Variants in ART3 observed in about 807,000 individuals in gnomAD.
The protein encoded by ART3 is ecto-ADP-ribosyltransferase 3.
A neutral mutation model predicts 48.5 loss-of-function variants in ART3; 49 were observed. That is an observed-to-expected ratio of 1.01 (90% CI 0.80 to 1.28). ART3 has a LOEUF of 1.28. Among genes scored for constraint, ART3 ranks in the 50% most tolerant of loss-of-function variants. The pLI is 0.00. For missense variants in ART3, 438 were observed against 454.3 expected (o/e 0.96, Z 0.33); for synonymous variants, 145 against 157.2 (o/e 0.92, Z 0.58).
chr4:76,086,069 C>T (rs770072664), intron 3 of ART3, among the ~76,000 whole-genome samples: 23 of 149,666 alleles, frequency 1.5e-4, no homozygotes, highest in South Asian at 8.7e-4. Context: ...TCCCCCCCCC[C>T]GCTCCCTCCC....
At chr4:76,108,877 C>A (rs925577122) in intron 11 of ART3, among the ~76,000 whole-genome samples, 2 of 152,046 alleles carry the variant, frequency 1.3e-5, no homozygotes, top group African/African-American at 4.8e-5. Flanking sequence ...ATTTGTGTAT[C>A]TAAACATAGA....
chr4:76,104,626 C>G lies in ART3; in HGVS notation c.1000C>G (p.Pro334Ala), dbSNP rs143599971. The change falls in exon 10 of 12, where the codon CCT (proline) becomes GCT (alanine). Residue 334 changes from proline to alanine, a missense_variant. Physicochemically the swap from Pro to Ala is conservative, Grantham distance 27 (BLOSUM62 -1). This residue lies in a region of ART3 where 227 missense variants were observed against 229.6 expected (regional missense o/e 0.99). Transcript: ENST00000355810. ...GMKIPEPFPL[P>A]EDKSQGNINN... is the part of the protein sequence containing the mutation. ...GAAAATTCCAGAACCTTTTCCACTA[C>G]CTGGTAAGCAACTGATAGGCATGCC... 6.4e-7 allele frequency: 1 copy of G among 1,551,566 alleles called. No homozygotes were observed. The highest frequency in any genetic ancestry group is 2.4e-5 in the East Asian group (1 of 40,908).
chr4:76,038,053 C>T (rs1160306511), intron 1 of ART3, among the ~76,000 whole-genome samples: 3 of 139,194 alleles, frequency 2.2e-5, no homozygotes, highest in East Asian at 2.3e-4. Context: ...ATGAGAAATT[C>T]TAGAAATAAT....
At chr4:76,100,197 C>A in intron 5 of ART3, 94 bp from the exon 6 acceptor site, 1 of 1,285,038 alleles carries the variant, frequency 7.8e-7, no homozygotes, top group Non-Finnish European at 1.1e-6. Flanking sequence ...TCTTTATAGT[C>A]ATATTTCCTG....
chr4:76,109,518 A>G (rs1729079637), intron 11 of ART3, among the ~76,000 whole-genome samples: 1 of 151,828 alleles, frequency 6.6e-6, no homozygotes, highest in South Asian at 2.1e-4. Context: ...AATGATTAAA[A>G]GTATAGTAAG....
At chr4:76,044,500 C>T (rs1470114700) in intron 1 of ART3, among the ~76,000 whole-genome samples, 1 of 151,990 alleles carries the variant, frequency 6.6e-6, no homozygotes, top group Non-Finnish European at 1.5e-5. Flanking sequence ...GTAGAATATG[C>T]CTTGGCTAGG....
At chr4:76,075,783 C>G (rs1720904195) in intron 1 of ART3, 98 bp from the exon 2 acceptor site, 12 of 883,368 alleles carry the variant, frequency 1.4e-5, no homozygotes, top group Non-Finnish European at 1.9e-5. Flanking sequence ...GCTATCCACT[C>G]ACATTCTAAA....
At chr4:76,059,359 C>CTTA (rs1578364058) in intron 1 of ART3, among the ~76,000 whole-genome samples, 2 of 92,126 alleles carry the variant, frequency 2.2e-5, no homozygotes, top group African/African-American at 8.6e-5. Flanking sequence ...GTTATTTTCT[C>CTTA]TTGTTTTTTT....
intron 1 of ART3, chr4:76,035,248 G>A: frequency 6.2e-7 from 1 of 1,614,024 alleles, no homozygotes; most frequent in Non-Finnish European, 8.5e-7. Flanking sequence ...TGTTACTTGG[G>A]TACATTATGG....
Position 76,068,280 on chromosome 4 carries a change from T to C in ART3, c.-9-7601T>C, listed in dbSNP as rs557838936. Among the ~76,000 whole-genome samples the C allele has an allele frequency of 7.2e-5, 11 of 152,340 alleles. No homozygotes were observed. The South Asian group carries it at 2.3e-3, about 32-fold the overall frequency. On this transcript the variant is annotated intron_variant, in intron 1 of 9. Transcript: ENST00000341029. ...TACAATCATGATATAAAACATTTCA[T>C]CACCCAAAAAATGTGTTCCCTCATG... is the stretch of plus-strand genomic sequence containing the variant.
At chr4:76,050,206 C>T (rs1422192597) in intron 1 of ART3, among the ~76,000 whole-genome samples, 2 of 152,036 alleles carry the variant, frequency 1.3e-5, no homozygotes, top group African/African-American at 4.8e-5. Context: ...AGCGGGTTGC[C>T]ACTGCTGGCT....
At chr4:76,103,870 C>T (rs1245279676) in intron 8 of ART3, 67 bp from the exon 9 acceptor site, 2 of 1,282,006 alleles carry the variant, frequency 1.6e-6, no homozygotes, top group African/African-American at 1.5e-5. Context: ...GAAATATAGA[C>T]AAAAGAAGAG....
chr4:76,030,778 A>G (rs976811449), intron 1 of ART3, among the ~76,000 whole-genome samples: 2 of 152,152 alleles, frequency 1.3e-5, no homozygotes, highest in African/African-American at 4.8e-5. Context: ...CATATTTTCA[A>G]GGTTCATCCA....
At chr4:76,022,821 T>G (rs780075270) in intron 1 of ART3, 6 of 1,606,402 alleles carry the variant, frequency 3.7e-6, no homozygotes, top group Non-Finnish European at 5.1e-6. Context: ...GGTACTCCTG[T>G]AGGAAAAGAG....
At chr4:76,026,679 G>C (rs1056192424) in intron 1 of ART3, among the ~76,000 whole-genome samples, 6 of 134,010 alleles carry the variant, frequency 4.5e-5, no homozygotes, top group Non-Finnish European at 1.6e-5. Flanking sequence ...ACCCCTAAAA[G>C]CTTCTTAGTT....
At chr4:76,017,656 C>A (rs760386216) in intron 1 of ART3, among the ~76,000 whole-genome samples, 1 of 152,184 alleles carries the variant, frequency 6.6e-6, no homozygotes, top group African/African-American at 2.4e-5. Flanking sequence ...AGCACTAGGA[C>A]TGCCTAGGAC....
At chr4:76,100,586 G>A (rs1259359724) in intron 6 of ART3, among the ~76,000 whole-genome samples, 1 of 146,332 alleles carries the variant, frequency 6.8e-6, no homozygotes, top group Non-Finnish European at 1.5e-5. Context: ...AGCTGAGATC[G>A]TGCCACAGCA....
intron 1 of ART3, among the ~76,000 whole-genome samples, chr4:76,020,509 A>G (rs150323977): frequency 2.0e-3 from 309 of 152,310 alleles, no homozygotes; most frequent in Non-Finnish European, 3.8e-3. Flanking sequence ...ATGTGGGAGG[A>G]GAGGAAGAAG....
intron 3 of ART3, among the ~76,000 whole-genome samples, chr4:76,095,561 C>A (rs1037002180): frequency 6.6e-6 from 1 of 151,988 alleles, no homozygotes; most frequent in Non-Finnish European, 1.5e-5. Flanking sequence ...ATTCAGGAGG[C>A]CTTCAAAAAT....
Sources: gnomAD v4.1 joint callset for allele counts (sites outside exome capture counted in the v4.1 genomes callset) on GRCh38, gnomAD v4.1.1 for gene constraint, gnomAD v4.1.1 regional missense constraint, MANE v1.5 for transcripts, NCBI Gene and HGNC (gene_info 2026-07-23, HGNC 2026-07-21) for gene names.